KYAT3: variants seen among roughly 807,000 people sequenced by gnomAD.
The protein encoded by KYAT3 is kynurenine--oxoglutarate transaminase 3.
A neutral mutation model predicts 59.0 loss-of-function variants in KYAT3; 50 were observed. That is an observed-to-expected ratio of 0.85 (90% CI 0.68 to 1.07). KYAT3 has a LOEUF of 1.07. Ranked by LOEUF, KYAT3 falls within the 50% of genes least tolerant of loss-of-function variation. The pLI is 0.00. For missense variants in KYAT3, 497 were observed against 533.3 expected (o/e 0.93, Z 0.67); for synonymous variants, 148 against 177.0 (o/e 0.84, Z 1.30).
intron 2 of KYAT3, chr1:88,983,898 C>A: frequency 6.3e-7 from 1 of 1,583,814 alleles, no homozygotes. Context: ...ACAGGGGCTT[C>A]CTAGCAGCTC....
chr1:88,955,370 TA>T (rs1274092717), intron 8 of KYAT3, 145 bp from the exon 9 acceptor site: 1 of 548,672 alleles, frequency 1.8e-6, no homozygotes, highest in African/African-American at 1.9e-5. Flanking sequence ...GTTTTTTTTT[TA>T]GATAATGTAA....
rs200307769 is a variant in KYAT3 at position 88,988,308 on chromosome 1, C to T, written c.43G>A (p.Ala15Thr). The T allele has an allele frequency of 5.6e-5, 91 of 1,613,658 alleles. No homozygotes were observed. The highest frequency in any genetic ancestry group is 7.3e-5 in the Non-Finnish European group (86 of 1,179,784). Residue 15 changes from alanine (A) to threonine (T), a missense_variant, in exon 2 of 14, where the codon GCA (alanine) becomes ACA (threonine). Ala to Thr is a moderately conservative substitution (Grantham distance 58, BLOSUM62 0). Coordinates refer to ENST00000260508, the MANE Select transcript of KYAT3 (RefSeq NM_001008661.3). ...QRSLCSLSGR[A>T]KFLKTISSSK... ...GAAGAAATTGTCTTCAGGAATTTTG[C>T]TCTACCGCTAAGAGAGCAGAGGCTC...
Position 88,982,685 on chromosome 1 carries a change from G to T in KYAT3, c.99+5567C>A, listed in dbSNP as rs749709949. ...TCTGCTTCTGCCTCCCCCTCTATCAGATCGGCTTCCTCCAGGGCCAGCACC... is the reference window on the plus strand; with the variant it reads ...TCTGCTTCTGCCTCCCCCTCTATCATATCGGCTTCCTCCAGGGCCAGCACC... On this transcript the variant is annotated intron_variant, in intron 2 of 13. Coordinates refer to ENST00000260508, the MANE Select transcript of KYAT3 (RefSeq NM_001008661.3). The T allele has an allele frequency of 9.9e-6, 16 of 1,613,292 alleles. No individual in the cohort carries two copies. In the African/African-American group the frequency reaches 1.9e-4, roughly 19 times the overall value.
At chr1:88,951,831 T>C (rs1675687179) in intron 10 of KYAT3, among the ~76,000 whole-genome samples, 1 of 152,150 alleles carries the variant, frequency 6.6e-6, no homozygotes, top group Non-Finnish European at 1.5e-5. Context: ...CCAGAACTTG[T>C]AAATATGTTA....
intron 11 of KYAT3, among the ~76,000 whole-genome samples, chr1:88,946,091 T>C (rs879764634): frequency 6.6e-6 from 1 of 152,202 alleles, no homozygotes; most frequent in African/African-American, 2.4e-5. Flanking sequence ...CTTTTGATAG[T>C]TAATGTCACA....
chr1:88,951,666 AAT>A (rs1157645320), intron 10 of KYAT3, among the ~76,000 whole-genome samples: 1 of 151,404 alleles, frequency 6.6e-6, no homozygotes, highest in Admixed American at 6.6e-5. Context: ...ATAATATTTA[AAT>A]AGTTTTTCTT....
chr1:88,980,093 T>G (rs1049531570), intron 2 of KYAT3: 4 of 152,172 alleles, frequency 2.6e-5, no homozygotes, highest in Non-Finnish European at 5.9e-5. Context: ...CCCATTTATA[T>G]AAAATACTAA....
intron 1 of KYAT3, among the ~76,000 whole-genome samples, chr1:88,990,169 T>C (rs1677700272): frequency 6.6e-6 from 1 of 152,156 alleles, no homozygotes; most frequent in African/African-American, 2.4e-5. Context: ...GGATCGCCTC[T>C]CCTCCACGAC....
chr1:88,942,178 T>C (rs1038542986), intron 13 of KYAT3, among the ~76,000 whole-genome samples: 1 of 152,194 alleles, frequency 6.6e-6, no homozygotes, highest in Non-Finnish European at 1.5e-5. Flanking sequence ...TAACCCTTTT[T>C]TTCTGACATC....
chr1:88,926,019 G>C, the KYAT3 span, among the ~76,000 whole-genome samples: 1 of 151,964 alleles, frequency 6.6e-6, no homozygotes. Flanking sequence ...AGGAACCCGC[G>C]GGTGGCCCAA....
chr1:88,945,197 A>G (rs1002680978), intron 11 of KYAT3, among the ~76,000 whole-genome samples: 1 of 152,204 alleles, frequency 6.6e-6, no homozygotes, highest in East Asian at 1.9e-4. Flanking sequence ...GGGAATAAAT[A>G]TAATTATAAA....
chr1:88,931,641 A>G (rs560346689), downstream of KYAT3, among the ~76,000 whole-genome samples: 8 of 152,224 alleles, frequency 5.3e-5, no homozygotes. Flanking sequence ...GAAGGTGACC[A>G]CGTCCACCTT....
At chr1:88,968,646 C>T (rs1445012674) in intron 4 of KYAT3, 24 bp downstream of exon 4, 23 of 1,525,912 alleles carry the variant, frequency 1.5e-5, no homozygotes, top group Non-Finnish European at 2.0e-5. Context: ...AAGCTCATGG[C>T]CCATATGGTC....
At chr1:88,939,047 C>T (rs1280125887) in intron 13 of KYAT3, among the ~76,000 whole-genome samples, 1 of 152,154 alleles carries the variant, frequency 6.6e-6, no homozygotes, top group Non-Finnish European at 1.5e-5. Context: ...ACAAATTATA[C>T]TCCCACTCTC....
At chr1:88,973,855 A>G (rs1053954580) in intron 2 of KYAT3, among the ~76,000 whole-genome samples, 3 of 152,216 alleles carry the variant, frequency 2.0e-5, no homozygotes, top group Non-Finnish European at 4.4e-5. Flanking sequence ...TCAATTGTAT[A>G]TATTTTTAGG....
chr1:88,937,753 T>G (rs1343719463), intron 13 of KYAT3, among the ~76,000 whole-genome samples: 1 of 152,034 alleles, frequency 6.6e-6, no homozygotes, highest in Non-Finnish European at 1.5e-5. Context: ...AAGGATAGAG[T>G]ATCATCACTT....
chr1:88,951,800 A>G lies in KYAT3; in HGVS notation c.954+1263T>C, dbSNP rs150729606. 2.9e-3 allele frequency among the ~76,000 whole-genome samples: 441 copies of G among 152,182 alleles called. 2 individuals are homozygous for G. Among genetic ancestry groups the G allele is most frequent in the Middle Eastern group, 0.01 (3 of 294 alleles). On this transcript the variant is annotated intron_variant, in intron 10 of 13. Transcript: ENST00000260508. ...CCAGTAGACAGAGTAATGGGTCCCA[A>G]TGACTTCTAGGTCTTAAAACCCAGA...
At chr1:88,979,824 C>A (rs1182399786) in intron 2 of KYAT3, 3 of 152,102 alleles carry the variant, frequency 2.0e-5, no homozygotes, top group African/African-American at 4.8e-5. Context: ...AGGTATTTAC[C>A]CAAGAGAAAG....
chr1:88,965,137 A>C, intron 4 of KYAT3, among the ~76,000 whole-genome samples, 159 bp from the exon 5 acceptor site: 2 of 152,346 alleles, frequency 1.3e-5, no homozygotes, highest in Admixed American at 1.3e-4. Context: ...AAATTTTTTA[A>C]AATTTCCTAC....
Sources: gnomAD v4.1 joint callset for allele counts (sites outside exome capture counted in the v4.1 genomes callset) on GRCh38, gnomAD v4.1.1 for gene constraint, MANE v1.5 for transcripts, NCBI Gene and HGNC (gene_info 2026-07-23, HGNC 2026-07-21) for gene names.